The following LMAN2 variants were observed in gnomAD, a reference collection of about 807,000 sequenced individuals.
LMAN2 encodes the protein vesicular integral-membrane protein VIP36.
Under a neutral mutation model 39.3 loss-of-function variants are expected in LMAN2, and 22 were observed. That is an observed-to-expected ratio of 0.56 (90% CI 0.40 to 0.80). The LOEUF is 0.80. Among genes scored for constraint, LMAN2 ranks in the 30% least tolerant of loss-of-function variants. LMAN2 has a pLI of 0.00. For missense variants in LMAN2, 494 were observed against 505.4 expected (o/e 0.98, Z 0.22); for synonymous variants, 207 against 207.8 (o/e 1.00, Z 0.03).
chr5:177,334,574 A>G (rs1213828078), intron 6 of LMAN2, 171 bp from the exon 7 acceptor site: 5 of 757,618 alleles, frequency 6.6e-6, no homozygotes, highest in Non-Finnish European at 1.0e-5. Flanking sequence ...CCCTCCAGTC[A>G]CCAGCAATAA....
intron 2 of LMAN2, among the ~76,000 whole-genome samples, chr5:177,349,218 C>G (rs556520321): frequency 1.3e-3 from 193 of 152,300 alleles, no homozygotes; most frequent in African/African-American, 3.8e-3. Context: ...GACCACCCCC[C>G]CTGCACCACA....
rs773810238 is a variant in LMAN2, at chr5:177,348,603, G to A, written c.315+2570C>T. Among the ~76,000 whole-genome samples the A allele has an allele frequency of 6.1e-5, 9 of 147,738 alleles. No individual in the cohort carries two copies. The East Asian group carries it at 1.2e-3, about 19-fold the overall frequency. The stretch of plus-strand genomic sequence containing the variant: ...CTGGGGAGGCTGAGGCAGAAGAATC[G>A]CTTGAACTCGTGAGGTGGAGGTTGC... On this transcript the variant is annotated intron_variant, in intron 2 of 7. Coordinates refer to ENST00000303127, the MANE Select transcript of LMAN2 (RefSeq NM_006816.3).
chr5:177,350,391 T>A (rs1301170979), intron 2 of LMAN2, among the ~76,000 whole-genome samples: 3 of 152,208 alleles, frequency 2.0e-5, no homozygotes, highest in African/African-American at 7.2e-5. Flanking sequence ...CCCTTTTTCC[T>A]CACCTTGACT....
rs745905437 is a variant in LMAN2 at position 177,337,700 on chromosome 5, G to A, written c.513+6C>T. 7 of 1,613,486 alleles carry A rather than the reference G, an allele frequency of 4.3e-6. No individual in the cohort carries two copies. The highest frequency in any genetic ancestry group is 1.3e-5 in the African/African-American group (1 of 74,918). On this transcript the variant is annotated splice_donor_region_variant and intron_variant, in intron 4 of 7. Transcript: ENST00000303127. The surrounding 1 kb of genome is among the most constrained non-coding windows in gnomAD (Gnocchi z 8.2). Reference sequence around the variant, plus strand: ...TCCTGCTCAGCAGGATAGAGCAGGGGCCTACCTCAGTGGTCTCATCATTGG... The same window carrying A: ...TCCTGCTCAGCAGGATAGAGCAGGGACCTACCTCAGTGGTCTCATCATTGG...
chr5:177,351,505 T>C lies in LMAN2; in HGVS notation c.143A>G (p.Asp48Gly). ...LLGSVTADIT[D>G]GNSEHLKREH... ...CCGCTTGAGATGTTCACTGTTGCCGTCAGTTATATCCGCAGTCACAGACCC... is the reference window on the plus strand; with the variant it reads ...CCGCTTGAGATGTTCACTGTTGCCGCCAGTTATATCCGCAGTCACAGACCC... The change falls in exon 1 of 8, where the codon GAC (aspartate) becomes GGC (glycine). Residue 48 changes from aspartate to glycine, a missense_variant. Physicochemically the swap from Asp to Gly is moderately conservative, Grantham distance 94 (BLOSUM62 -1). Coordinates refer to ENST00000303127, the MANE Select transcript of LMAN2 (RefSeq NM_006816.3). 1 of 1,614,220 alleles carries C rather than the reference T, an allele frequency of 6.2e-7. No homozygotes were observed. The highest frequency in any genetic ancestry group is 8.5e-7 in the Non-Finnish European group (1 of 1,180,034).
At chr5:177,348,483 C>T (rs1323381924) in intron 2 of LMAN2, among the ~76,000 whole-genome samples, 5 of 151,840 alleles carry the variant, frequency 3.3e-5, no homozygotes, top group Non-Finnish European at 7.4e-5. Flanking sequence ...GGCCAGGAGT[C>T]GGAGACCAGC....
intron 2 of LMAN2, among the ~76,000 whole-genome samples, chr5:177,341,159 T>C (rs1017889044): frequency 4.0e-5 from 6 of 148,270 alleles, no homozygotes; most frequent in Non-Finnish European, 8.9e-5. Flanking sequence ...CTCTGCCTCC[T>C]GGGTTCAAGC....
At position 177,332,999 on chromosome 5, in the gene LMAN2, C is replaced by T. The variant is rs888473201; in HGVS notation, c.911-753G>A. Among the ~76,000 whole-genome samples the T allele has an allele frequency of 2.0e-5, 3 of 152,222 alleles. No homozygotes were observed. The highest frequency in any genetic ancestry group is 2.9e-5 in the Non-Finnish European group (2 of 68,032). ...CTCGGGCCCAGGCCCTGCCTTTCAG[C>T]GACGTGCATGCCACCCTCTTGCCAG... On this transcript the variant is annotated intron_variant, in intron 7 of 7. Coordinates refer to ENST00000303127, the MANE Select transcript of LMAN2 (RefSeq NM_006816.3). The surrounding 1 kb of genome is among the most constrained non-coding windows in gnomAD (Gnocchi z 6.3).
Position 177,332,121 on chromosome 5 carries a change from G to A in LMAN2, c.1036C>T (p.Gln346Ter). 2.5e-6 allele frequency: 4 copies of A among 1,613,518 alleles called. No homozygotes were observed. The highest frequency in any genetic ancestry group is 3.4e-6 in the Non-Finnish European group (4 of 1,179,876). ...VCAVVGAVVF[Q>*]KRQERNKRFY ...CGCTTGTTCCGCTCCTGCCGCTTCT[G>A]GAACACCACGGCCCCCACCACGGCG... The change falls in exon 8 of 8, where the codon CAG becomes TAG. Residue 346 changes from glutamine to a stop codon, truncating the protein, a stop_gained. Transcript: ENST00000303127. LOFTEE classifies it high-confidence loss of function. This position sits in a 1 kb window ranked among gnomAD's most constrained non-coding sequence, Gnocchi z 6.3.
chr5:177,339,250 C>A (rs146929985), intron 2 of LMAN2, among the ~76,000 whole-genome samples: 197 of 152,346 alleles, frequency 1.3e-3, no homozygotes, highest in African/African-American at 4.5e-3. Flanking sequence ...TCCACTGCCA[C>A]ATCCACCCTG....
chr5:177,339,193 G>A (rs970396990), intron 2 of LMAN2, among the ~76,000 whole-genome samples: 1 of 152,176 alleles, frequency 6.6e-6, no homozygotes, highest in Non-Finnish European at 1.5e-5. Context: ...CCCGCGGCCT[G>A]CAGGCCTTTC....
intron 2 of LMAN2, among the ~76,000 whole-genome samples, chr5:177,342,648 T>C (rs922528220): frequency 9.8e-4 from 149 of 152,244 alleles, no homozygotes; most frequent in African/African-American, 3.4e-3. Context: ...TTCACGCCAC[T>C]GCACTCCGGC....
At chr5:177,339,415 G>A (rs1761521128) in intron 2 of LMAN2, among the ~76,000 whole-genome samples, 1 of 152,202 alleles carries the variant, frequency 6.6e-6, no homozygotes, top group Non-Finnish European at 1.5e-5. Context: ...AGCTGGTCAG[G>A]GTCGTGCTCT....
At position 177,332,958 on chromosome 5, in the gene LMAN2, G is replaced by A. The variant is rs1342550759; in HGVS notation, c.911-712C>T. ...TCCACACTGTACAGTCTCCTCAGGC[G>A]TCCCCACACCCAGGCCTCGGGCCCA... On this transcript the variant is annotated intron_variant, in intron 7 of 7. Transcript: ENST00000303127. This position sits in a 1 kb window ranked among gnomAD's most constrained non-coding sequence, Gnocchi z 6.3. Among the ~76,000 whole-genome samples the A allele has an allele frequency of 6.6e-6, 1 of 152,096 alleles. No individual in the cohort carries two copies. Among genetic ancestry groups the A allele is most frequent in the Non-Finnish European group, 1.5e-5 (1 of 68,002 alleles).
chr5:177,347,043 C>T (rs986360286), intron 2 of LMAN2, among the ~76,000 whole-genome samples: 1 of 152,094 alleles, frequency 6.6e-6, no homozygotes, highest in Non-Finnish European at 1.5e-5. Context: ...GACCATGATG[C>T]AATTCCATCA....
At chr5:177,348,401 T>C (rs1761668583) in intron 2 of LMAN2, among the ~76,000 whole-genome samples, 1 of 152,066 alleles carries the variant, frequency 6.6e-6, no homozygotes, top group South Asian at 2.1e-4. Flanking sequence ...AAAACTGACA[T>C]ACTGGCCAGG....
At position 177,331,888 on chromosome 5, in the gene LMAN2, T is replaced by TG. The variant is rs1304058129; in HGVS notation, c.*197dup. ...CCAGGAGAGCCTCCGTCTCCAGCTG[T>TG]GGGGGGTGCCAGACCCTAAGCCTCG... On this transcript the variant is annotated 3_prime_UTR_variant, in exon 8 of 8. Transcript: ENST00000303127. The TG allele has an allele frequency of 3.6e-5, 21 of 577,282 alleles. No homozygotes were observed. The highest frequency in any genetic ancestry group is 4.7e-4 in the Middle Eastern group (1 of 2,120). 35.8% of individuals were successfully genotyped at this position (577,282 alleles called of 1,614,324 possible). A position where few individuals can be genotyped will look rare whatever the true frequency, so the allele number is the denominator to read the frequency against.
intron 2 of LMAN2, among the ~76,000 whole-genome samples, chr5:177,348,550 T>C (rs1486857435): frequency 6.6e-6 from 1 of 151,938 alleles, no homozygotes; most frequent in Non-Finnish European, 1.5e-5. Flanking sequence ...TAGCTGGACA[T>C]GGCAGTGCGC....
intron 6 of LMAN2, among the ~76,000 whole-genome samples, chr5:177,335,703 GA>G (rs1388643225): frequency 6.6e-6 from 1 of 152,216 alleles, no homozygotes; most frequent in Non-Finnish European, 1.5e-5. Context: ...GTATGTGACT[GA>G]AAAACCCCCA....
Sources: allele counts gnomAD v4.1 joint callset (sites outside exome capture counted in the v4.1 genomes callset), GRCh38; gene constraint gnomAD v4.1.1; non-coding constraint Gnocchi (gnomAD v3.1); transcripts MANE v1.5; gene names NCBI Gene and HGNC (gene_info 2026-07-23, HGNC 2026-07-21).